Variants in SEZ6L observed in about 807,000 individuals in gnomAD.
SEZ6L encodes seizure related 6 homolog like, also known as seizure 6-like protein.
Under a neutral mutation model 106.2 loss-of-function variants are expected in SEZ6L, and 37 were observed. That is an observed-to-expected ratio of 0.35 (90% CI 0.27 to 0.46). SEZ6L has a LOEUF of 0.46. Ranked by LOEUF, SEZ6L falls within the 20% of genes least tolerant of loss-of-function variation. SEZ6L has a pLI of 1.00. For missense variants in SEZ6L, 1,172 were observed against 1,332.8 expected (o/e 0.88, Z 1.88); for synonymous variants, 541 against 570.4 (o/e 0.95, Z 0.73).
At chr22:26,326,993 G>A (rs1402967665) in intron 9 of SEZ6L, among the ~76,000 whole-genome samples, 1 of 152,182 alleles carries the variant, frequency 6.6e-6, no homozygotes, top group Non-Finnish European at 1.5e-5. Context: ...AGTTTCCTGG[G>A]GGTGTTCTGG....
intron 9 of SEZ6L, among the ~76,000 whole-genome samples, chr22:26,315,850 G>T (rs1185065335): frequency 1.3e-5 from 2 of 152,152 alleles, no homozygotes; most frequent in East Asian, 3.9e-4. Flanking sequence ...TTGGGGCCAG[G>T]AGTTCGAGAC....
intron 1 of SEZ6L, among the ~76,000 whole-genome samples, chr22:26,269,734 G>A (rs2080303215): frequency 1.3e-5 from 2 of 152,224 alleles, no homozygotes; most frequent in African/African-American, 4.8e-5. Flanking sequence ...CACAGAAGCT[G>A]CCTTACAGAT....
intron 1 of SEZ6L, among the ~76,000 whole-genome samples, chr22:26,245,185 G>T (rs925605568): frequency 6.6e-6 from 1 of 152,132 alleles, no homozygotes; most frequent in Non-Finnish European, 1.5e-5. Flanking sequence ...GGTCTGAGAA[G>T]GGATGAAGGG....
chr22:26,296,593 G>T (rs1331346088), intron 3 of SEZ6L, among the ~76,000 whole-genome samples: 4 of 152,282 alleles, frequency 2.6e-5, no homozygotes, highest in Admixed American at 6.5e-5. Context: ...AGCATCCAGG[G>T]CCTGTGCCAA....
intron 1 of SEZ6L, among the ~76,000 whole-genome samples, chr22:26,179,039 G>A (rs1391343750): frequency 6.6e-6 from 1 of 152,080 alleles, no homozygotes; most frequent in Non-Finnish European, 1.5e-5. Flanking sequence ...GGGGCTTTGG[G>A]GAATTGATTA....
At chr22:26,305,877 C>G in intron 5 of SEZ6L, 102 bp from the exon 6 acceptor site, 9 of 1,246,458 alleles carry the variant, frequency 7.2e-6, no homozygotes, top group Non-Finnish European at 8.9e-6. Context: ...GAGAATGAAA[C>G]ACTCACTTCC....
chr22:26,375,273 T>C (rs1403242195), intron 14 of SEZ6L, among the ~76,000 whole-genome samples: 1 of 152,160 alleles, frequency 6.6e-6, no homozygotes, highest in African/African-American at 2.4e-5. Context: ...TTCCTGTGAA[T>C]TGGACTTTAA....
intron 1 of SEZ6L, among the ~76,000 whole-genome samples, chr22:26,217,748 TACA>T (rs2078340524): frequency 6.6e-6 from 1 of 152,220 alleles, no homozygotes; most frequent in Non-Finnish European, 1.5e-5. Flanking sequence ...GCCTCGCAAA[TACA>T]ACATGTTGTG....
intron 1 of SEZ6L, among the ~76,000 whole-genome samples, chr22:26,266,414 A>G (rs1003344048): frequency 3.4e-5 from 5 of 148,742 alleles, no homozygotes; most frequent in African/African-American, 1.3e-4. Flanking sequence ...AAAAAAAAAA[A>G]TACAAAAATT....
chr22:26,364,092 C>G (rs2083726044), intron 12 of SEZ6L, among the ~76,000 whole-genome samples: 1 of 152,200 alleles, frequency 6.6e-6, no homozygotes, highest in South Asian at 2.1e-4. Context: ...TAAAAGTACA[C>G]TAACCTACTG....
At chr22:26,350,926 GACT>G (rs2083256572) in intron 11 of SEZ6L, 123 bp from the exon 12 acceptor site, 5 of 877,800 alleles carry the variant, frequency 5.7e-6, no homozygotes, top group Non-Finnish European at 8.6e-6. Context: ...AAATTGCTGG[GACT>G]ACAGGCGTGA....
chr22:26,332,209 G>A (rs2082506230), intron 9 of SEZ6L, among the ~76,000 whole-genome samples: 1 of 147,738 alleles, frequency 6.8e-6, no homozygotes, highest in Admixed American at 6.7e-5. Flanking sequence ...GAGTGCAGTG[G>A]CGCGATCTCG....
chr22:26,305,827 A>T, intron 5 of SEZ6L, 152 bp from the exon 6 acceptor site: 1 of 776,140 alleles, frequency 1.3e-6, no homozygotes, highest in South Asian at 2.5e-5. Flanking sequence ...CAGGTCTCTG[A>T]TGTTTCATCC....
intron 9 of SEZ6L, among the ~76,000 whole-genome samples, chr22:26,324,445 A>G (rs1481892925): frequency 6.6e-6 from 1 of 152,156 alleles, no homozygotes; most frequent in Non-Finnish European, 1.5e-5. Context: ...GTTCTGTGCT[A>G]AGTTAATTCC....
At chr22:26,252,726 C>G (rs1273373631) in intron 1 of SEZ6L, among the ~76,000 whole-genome samples, 1 of 152,238 alleles carries the variant, frequency 6.6e-6, no homozygotes, top group Admixed American at 6.5e-5. Flanking sequence ...CCAGTTGCAT[C>G]CATGTTCCTG....
Position 26,292,800 on chromosome 22 carries a change from G to A in SEZ6L, c.489G>A (p.Lys163=), listed in dbSNP as rs1310837281. ...ATCTCCTCTCCTCCTCCACGGAGAA[G>A]CCTGGCCCACCGGGGGACCCGGACC... ...GLDLLSSSTE[K]PGPPGDPDPI... The change falls in exon 2 of 17, where the codon AAG becomes AAA. Residue 163 remains lysine (K), a synonymous_variant. Coordinates refer to ENST00000248933, the MANE Select transcript of SEZ6L (RefSeq NM_021115.5). 2 of 1,614,094 alleles carry A rather than the reference G, an allele frequency of 1.2e-6. No homozygotes were observed.
At chr22:26,335,243 G>C (rs994468440) in intron 9 of SEZ6L, among the ~76,000 whole-genome samples, 1 of 152,232 alleles carries the variant, frequency 6.6e-6, no homozygotes, top group Non-Finnish European at 1.5e-5. Context: ...ATGAGGCAGA[G>C]AGTAACTTGA....
intron 9 of SEZ6L, among the ~76,000 whole-genome samples, chr22:26,318,288 A>G (rs991745140): frequency 5.3e-5 from 8 of 151,870 alleles, no homozygotes; most frequent in Non-Finnish European, 8.8e-5. Context: ...TGGCCAGGCT[A>G]GTCTCAAACT....
chr22:26,256,494 G>A (rs2079825769), intron 1 of SEZ6L, among the ~76,000 whole-genome samples: 1 of 152,234 alleles, frequency 6.6e-6, no homozygotes, highest in South Asian at 2.1e-4. Flanking sequence ...TCTCGGCCTT[G>A]TCTGAAACAT....
Sources: gnomAD v4.1 joint callset for allele counts (sites outside exome capture counted in the v4.1 genomes callset) on GRCh38, gnomAD v4.1.1 for gene constraint, MANE v1.5 for transcripts, NCBI Gene and HGNC (gene_info 2026-07-23, HGNC 2026-07-21) for gene names.